Variants in NLGN1 observed in about 807,000 individuals in gnomAD.
NLGN1 encodes neuroligin 1.
Under a neutral mutation model 65.5 loss-of-function variants are expected in NLGN1, and 12 were observed. The observed-to-expected ratio is 0.18, with a 90% CI of 0.12 to 0.30. NLGN1 has a LOEUF of 0.30. NLGN1 is among the 10% of genes least tolerant of loss of function. The probability of loss-of-function intolerance (pLI) is 1.00; values close to 1 mark genes in which losing one functional copy is unlikely to be tolerated. For missense variants in NLGN1, 750 were observed against 1,007.1 expected (o/e 0.74, Z 3.46); for synonymous variants, 350 against 359.5 (o/e 0.97, Z 0.30).
chr3:174,032,417 G>A (rs1730208804), intron 4 of NLGN1, among the ~76,000 whole-genome samples: 1 of 152,170 alleles, frequency 6.6e-6, no homozygotes, highest in Admixed American at 6.5e-5. Context: ...TGGTATCAAT[G>A]CATAGATAAG....
intron 3 of NLGN1, among the ~76,000 whole-genome samples, chr3:173,660,253 C>T (rs779381583): frequency 4.4e-4 from 67 of 151,806 alleles, no homozygotes; most frequent in Non-Finnish European, 1.6e-4. Flanking sequence ...TCATTAAAGT[C>T]AATTGACATC....
At chr3:173,928,147 T>G (rs557135690) in intron 4 of NLGN1, among the ~76,000 whole-genome samples, 29 of 152,222 alleles carry the variant, frequency 1.9e-4, no homozygotes, top group Non-Finnish European at 3.8e-4. Context: ...ACCTAAGTTG[T>G]GAGTTACCTA....
intron 4 of NLGN1, among the ~76,000 whole-genome samples, chr3:174,123,394 G>T (rs953191431): frequency 2.0e-5 from 3 of 149,598 alleles, no homozygotes; most frequent in Non-Finnish European, 4.5e-5. Context: ...GTAGTCAAGA[G>T]GCTGTTTTTG....
chr3:173,829,661 A>G (rs138803457), intron 4 of NLGN1, among the ~76,000 whole-genome samples: 2 of 152,244 alleles, frequency 1.3e-5, no homozygotes, highest in African/African-American at 2.4e-5. Flanking sequence ...TATAGTCACT[A>G]TACTATACAT....
At chr3:173,453,262 CGT>C (rs947184949) in intron 2 of NLGN1, among the ~76,000 whole-genome samples, 4 of 150,888 alleles carry the variant, frequency 2.7e-5, no homozygotes, top group African/African-American at 2.4e-5. Context: ...TAATGTTGTA[CGT>C]GTGTGTGTGT....
intron 1 of NLGN1, among the ~76,000 whole-genome samples, chr3:173,420,938 A>T (rs76978707): frequency 0.016 from 2,466 of 152,178 alleles, 65 homozygotes; most frequent in African/African-American, 0.057. Flanking sequence ...GTTTTAATTT[A>T]TTGTATATTT....
chr3:173,618,139 C>T (rs192048699), intron 3 of NLGN1, among the ~76,000 whole-genome samples: 46 of 152,202 alleles, frequency 3.0e-4, no homozygotes, highest in Non-Finnish European at 3.7e-4. Flanking sequence ...TTTGGCCTTC[C>T]GTTGGTTATC....
intron 4 of NLGN1, among the ~76,000 whole-genome samples, chr3:173,890,588 G>T (rs1417297793): frequency 6.6e-6 from 1 of 152,162 alleles, no homozygotes; most frequent in African/African-American, 2.4e-5. Context: ...AATACAAGGA[G>T]ATAGCATTGA....
chr3:174,278,748 G>A (rs1231597283), intron 5 of NLGN1, 113 bp from the exon 6 acceptor site: 2 of 816,092 alleles, frequency 2.5e-6, no homozygotes, highest in Non-Finnish European at 3.5e-6. Context: ...CTAACTCCCT[G>A]TTTCTTGAGC....
At chr3:174,107,749 C>T (rs1458491468) in intron 4 of NLGN1, among the ~76,000 whole-genome samples, 1 of 152,056 alleles carries the variant, frequency 6.6e-6, no homozygotes, top group Non-Finnish European at 1.5e-5. Context: ...TTTTACATTT[C>T]CACCAGCAAT....
chr3:173,754,158 C>T (rs1776754115), intron 3 of NLGN1, among the ~76,000 whole-genome samples: 1 of 151,462 alleles, frequency 6.6e-6, no homozygotes, highest in African/African-American at 2.4e-5. Context: ...GCGATCCTCG[C>T]ACCTCAGCTT....
intron 4 of NLGN1, among the ~76,000 whole-genome samples, chr3:174,036,113 T>C (rs1411373957): frequency 6.6e-6 from 1 of 152,208 alleles, no homozygotes; most frequent in Non-Finnish European, 1.5e-5. Flanking sequence ...TTATAAATAT[T>C]ATTCTTCAAC....
intron 3 of NLGN1, among the ~76,000 whole-genome samples, chr3:173,755,761 C>A (rs571778155): frequency 2.8e-4 from 43 of 152,214 alleles, no homozygotes; most frequent in East Asian, 2.3e-3. Context: ...ATTTTGTGTT[C>A]CTCTAGCACA....
intron 4 of NLGN1, among the ~76,000 whole-genome samples, chr3:174,217,183 A>T (rs1737778425): frequency 6.6e-6 from 1 of 152,076 alleles, no homozygotes; most frequent in Non-Finnish European, 1.5e-5. Flanking sequence ...TCTGCCTCTG[A>T]TGTCACATGG....
At chr3:173,636,611 C>T (rs140845388) in intron 3 of NLGN1, among the ~76,000 whole-genome samples, 2 of 152,042 alleles carry the variant, frequency 1.3e-5, no homozygotes, top group East Asian at 3.9e-4. Flanking sequence ...ATTTTCCCAG[C>T]CAAGAAAATT....
chr3:174,006,716 A>G (rs1217778758), intron 4 of NLGN1, among the ~76,000 whole-genome samples: 2 of 152,146 alleles, frequency 1.3e-5, no homozygotes, highest in African/African-American at 2.4e-5. Context: ...AGAAGTAATT[A>G]AGTTAAAATG....
At chr3:174,066,562 C>CTG (rs1401534201) in intron 4 of NLGN1, among the ~76,000 whole-genome samples, 25 of 129,924 alleles carry the variant, frequency 1.9e-4, no homozygotes, top group East Asian at 2.4e-4. Flanking sequence ...CTCTCTCTCT[C>CTG]TCTGTGTGTG....
intron 4 of NLGN1, among the ~76,000 whole-genome samples, chr3:174,091,823 G>A (rs1038299847): frequency 1.3e-5 from 2 of 152,072 alleles, no homozygotes; most frequent in Non-Finnish European, 2.9e-5. Context: ...TAGTGGCTCC[G>A]CTGCCTCTTC....
At chr3:173,499,832 T>A (rs1730719442) in intron 2 of NLGN1, among the ~76,000 whole-genome samples, 1 of 151,888 alleles carries the variant, frequency 6.6e-6, no homozygotes, top group Non-Finnish European at 1.5e-5. Context: ...GAATGGGAGT[T>A]CACTCATGAT....
Sources: gnomAD v4.1 joint callset for allele counts (sites outside exome capture counted in the v4.1 genomes callset) on GRCh38, gnomAD v4.1.1 for gene constraint, MANE v1.5 for transcripts, NCBI Gene and HGNC (gene_info 2026-07-23, HGNC 2026-07-21) for gene names.